The following SPICE1 variants were observed in gnomAD, a reference collection of about 807,000 sequenced individuals.
SPICE1 encodes the protein spindle and centriole-associated protein 1.
SPICE1 carries 75 observed loss-of-function variants against 102.7 expected under a neutral mutation model. The ratio of observed to expected loss-of-function variants is 0.73; its 90% CI spans 0.61 to 0.88. The LOEUF (loss-of-function observed/expected upper bound fraction) is 0.88. Ranked by LOEUF, SPICE1 falls within the 40% of genes least tolerant of loss-of-function variation. The pLI is 0.00. For missense variants in SPICE1, 979 were observed against 1,020.1 expected (o/e 0.96, Z 0.55); for synonymous variants, 308 against 350.3 (o/e 0.88, Z 1.35).
At chr3:113,514,854 G>C in intron 1 of SPICE1, 43 bp downstream of exon 1, 6 of 1,230,110 alleles carry the variant, frequency 4.9e-6, no homozygotes, top group Non-Finnish European at 5.2e-6. Flanking sequence ...AGGTGCTCTG[G>C]CGCCACGCAC....
At chr3:113,468,641 A>G (rs1936120917) in intron 9 of SPICE1, 121 bp downstream of exon 9, 1 of 1,249,058 alleles carries the variant, frequency 8.0e-7, no homozygotes, top group Non-Finnish European at 1.1e-6. Flanking sequence ...CTACCATTCA[A>G]TAAACTTTCA....
At chr3:113,465,245 T>C (rs1365044126) in intron 11 of SPICE1, among the ~76,000 whole-genome samples, 2 of 152,094 alleles carry the variant, frequency 1.3e-5, no homozygotes, top group Non-Finnish European at 2.9e-5. Context: ...GTAACAAATA[T>C]GAAGATACTG....
chr3:113,467,540 C>T (rs151115220), intron 10 of SPICE1, among the ~76,000 whole-genome samples: 3,732 of 152,302 alleles, frequency 0.025, 83 homozygotes, highest in Middle Eastern at 0.034. Flanking sequence ...GCAATCTGCC[C>T]GCCTCGGCCT....
chr3:113,459,367 G>A (rs964308634), intron 12 of SPICE1: 3 of 675,848 alleles, frequency 4.4e-6, no homozygotes, highest in Non-Finnish European at 5.5e-6. Context: ...ATTGTCCTAC[G>A]ACCCTGCCAA....
intron 1 of SPICE1, among the ~76,000 whole-genome samples, chr3:113,510,467 G>A (rs1335664884): frequency 6.6e-6 from 1 of 152,042 alleles, no homozygotes; most frequent in African/African-American, 2.4e-5. Context: ...AAATAAGACT[G>A]CACATCTACA....
intron 14 of SPICE1, among the ~76,000 whole-genome samples, chr3:113,451,897 ACCC>A (rs201994603): frequency 0.062 from 9,420 of 151,884 alleles, 908 homozygotes; most frequent in African/African-American, 0.21. Context: ...GACTCACCTC[ACCC>A]TAACCTTCCT....
intron 6 of SPICE1, 105 bp downstream of exon 6, chr3:113,493,101 T>C (rs1479370036): frequency 1.9e-5 from 15 of 779,472 alleles, no homozygotes; most frequent in Non-Finnish European, 2.8e-5. Flanking sequence ...CAACCACAAC[T>C]AGCACTTGTT....
intron 14 of SPICE1, among the ~76,000 whole-genome samples, chr3:113,451,563 A>G (rs111935482): frequency 0.025 from 3,753 of 152,290 alleles, 67 homozygotes; most frequent in Non-Finnish European, 0.038. Context: ...GAAATATTAG[A>G]TAGTCCCTTC....
chr3:113,468,026 C>T (rs926212826), intron 10 of SPICE1, 113 bp downstream of exon 10: 33 of 1,381,744 alleles, frequency 2.4e-5, no homozygotes, highest in African/African-American at 7.3e-5. Context: ...GTATTTTAAA[C>T]GAAGCTATTC....
chr3:113,450,087 C>T (rs1042671980), intron 15 of SPICE1: 8 of 508,742 alleles, frequency 1.6e-5, no homozygotes, highest in African/African-American at 9.6e-5. Flanking sequence ...TTTAGATGTA[C>T]GATAATTTAG....
At chr3:113,481,620 G>A (rs60634072) in intron 7 of SPICE1, among the ~76,000 whole-genome samples, 38,040 of 150,040 alleles carry the variant, frequency 0.25, 5,133 homozygotes, top group African/African-American at 0.35. Context: ...CCCTGTGTCC[G>A]TGTGTTCTCA....
At chr3:113,469,007 A>C in intron 8 of SPICE1, 92 bp downstream of exon 8, 2 of 1,561,852 alleles carry the variant, frequency 1.3e-6, no homozygotes, top group Non-Finnish European at 1.7e-6. Context: ...AAAGGCAGTC[A>C]AAACTCAAAT....
intron 10 of SPICE1, among the ~76,000 whole-genome samples, chr3:113,466,814 G>A (rs1476901436): frequency 6.6e-6 from 1 of 152,192 alleles, no homozygotes; most frequent in Non-Finnish European, 1.5e-5. Flanking sequence ...GGGAAGCCAA[G>A]GTGGGCAGAT....
intron 8 of SPICE1, 51 bp from the exon 9 acceptor site, chr3:113,468,950 G>C (rs372580023): frequency 6.3e-7 from 1 of 1,580,030 alleles, no homozygotes; most frequent in Non-Finnish European, 8.6e-7. Context: ...AACTTCTTAA[G>C]AAAGTATTTC....
Position 113,486,576 on chromosome 3 carries a change from T to G in SPICE1, c.611+2369A>C, listed in dbSNP as rs180764059. ...CACAATTTAGTACTATCCAACTGTT[T>G]CATTTTATTATAAAAATGAAGAAAA... On this transcript the variant is annotated intron_variant, in intron 7 of 17. Coordinates refer to ENST00000295872, the MANE Select transcript of SPICE1 (RefSeq NM_144718.4). Among the ~76,000 whole-genome samples the G allele has an allele frequency of 8.4e-4, 128 of 151,810 alleles. 1 individual carries two copies. Among genetic ancestry groups the G allele is most frequent in the Middle Eastern group, 3.4e-3 (1 of 294 alleles).
At chr3:113,464,937 T>A (rs901059139) in intron 11 of SPICE1, among the ~76,000 whole-genome samples, 3 of 151,896 alleles carry the variant, frequency 2.0e-5, no homozygotes, top group African/African-American at 7.3e-5. Flanking sequence ...TGAAACCCCA[T>A]CTCTACAAAA....
At chr3:113,464,732 T>C (rs375630715) in intron 11 of SPICE1, among the ~76,000 whole-genome samples, 1 of 152,202 alleles carries the variant, frequency 6.6e-6, no homozygotes, top group Non-Finnish European at 1.5e-5. Context: ...TCAAGAAGCA[T>C]ACAGTCTCAG....
In SPICE1 at chr3:113,465,875, C is replaced by A. The variant is rs1016940588; in HGVS notation, c.1156-91G>T. 6.3e-6 allele frequency: 8 copies of A among 1,263,412 alleles called. No homozygotes were observed. The African/African-American group carries it at 9.0e-5, about 14-fold the overall frequency. 78.3% of individuals were successfully genotyped at this position (1,263,412 alleles called of 1,614,324 possible). ...TCAAAGCTGGCAAAGAAGATATTTA[C>A]AAAGAAGCATATATTATGTGACAGT... On this transcript the variant is annotated intron_variant, in intron 10 of 17. Transcript: ENST00000295872.
At chr3:113,491,238 TCTCA>T (rs1242381708) in intron 6 of SPICE1, among the ~76,000 whole-genome samples, 2 of 152,178 alleles carry the variant, frequency 1.3e-5, no homozygotes, top group Admixed American at 6.5e-5. Flanking sequence ...GTAGGTTTAG[TCTCA>T]CTAATTCCTA....
Sources: allele counts gnomAD v4.1 joint callset (sites outside exome capture counted in the v4.1 genomes callset), GRCh38; gene constraint gnomAD v4.1.1; transcripts MANE v1.5; gene names NCBI Gene and HGNC (gene_info 2026-07-23, HGNC 2026-07-21).